CCDC146: variants seen among roughly 807,000 people sequenced by gnomAD.
CCDC146 encodes the protein coiled-coil domain containing 146.
In CCDC146, 92 loss-of-function variants were observed where a neutral mutation model predicts 119.3. That is an observed-to-expected ratio of 0.77 (90% CI 0.65 to 0.92). The LOEUF (loss-of-function observed/expected upper bound fraction) is 0.92. Ranked by LOEUF, CCDC146 falls within the 40% of genes least tolerant of loss-of-function variation. The probability of loss-of-function intolerance (pLI) is 0.00; values close to 1 mark genes in which losing one functional copy is unlikely to be tolerated. For missense variants in CCDC146, 1,000 were observed against 1,103.0 expected (o/e 0.91, Z 1.32); for synonymous variants, 372 against 371.8 (o/e 1.00, Z -0.01).
At chr7:77,262,373 A>G in intron 9 of CCDC146, 66 bp downstream of exon 9, 5 of 1,364,768 alleles carry the variant, frequency 3.7e-6, no homozygotes, top group Non-Finnish European at 3.9e-6. Flanking sequence ...AAAATATTTT[A>G]GGAAGTTGTT....
chr7:77,175,816 G>C (rs1367675428), intron 2 of CCDC146, among the ~76,000 whole-genome samples: 1 of 151,194 alleles, frequency 6.6e-6, no homozygotes, highest in Non-Finnish European at 1.5e-5. Flanking sequence ...CCTTGGTTTT[G>C]AGCACCTCCT....
intron 4 of CCDC146, among the ~76,000 whole-genome samples, chr7:77,249,665 C>T (rs1010309775): frequency 5.3e-5 from 8 of 152,094 alleles, no homozygotes; most frequent in Admixed American, 2.0e-4. Context: ...CTTTCTCTAT[C>T]CATTTACTTT....
At chr7:77,293,311 C>G (rs1793984577) in intron 18 of CCDC146, 111 bp downstream of exon 18, 2 of 1,081,944 alleles carry the variant, frequency 1.8e-6, no homozygotes, top group Admixed American at 2.3e-5. Flanking sequence ...CTACCACACA[C>G]AGTCCCAACA....
At chr7:77,163,082 T>A (rs548159523) in intron 1 of CCDC146, among the ~76,000 whole-genome samples, 1 of 152,326 alleles carries the variant, frequency 6.6e-6, no homozygotes, top group Admixed American at 6.5e-5. Context: ...GTAAGCTGCA[T>A]CATATTTAAA....
chr7:77,276,470 A>G (rs1793642501), intron 11 of CCDC146, among the ~76,000 whole-genome samples: 1 of 152,176 alleles, frequency 6.6e-6, no homozygotes, highest in East Asian at 1.9e-4. Flanking sequence ...TTTCTACTTT[A>G]ATATTTAAGA....
intron 1 of CCDC146, among the ~76,000 whole-genome samples, chr7:77,152,307 A>T (rs1791118839): frequency 6.6e-6 from 1 of 152,184 alleles, no homozygotes; most frequent in Admixed American, 6.5e-5. Flanking sequence ...TAACTCTATA[A>T]TTAATGTCAG....
intron 7 of CCDC146, 114 bp downstream of exon 7, chr7:77,259,182 T>G: frequency 1.6e-6 from 1 of 636,094 alleles, no homozygotes; most frequent in South Asian, 2.5e-5. Flanking sequence ...TTTAGAAATT[T>G]CTGCTTTGGG....
chr7:77,170,908 A>G (rs536278619), intron 2 of CCDC146, among the ~76,000 whole-genome samples: 25 of 152,322 alleles, frequency 1.6e-4, no homozygotes, highest in African/African-American at 5.1e-4. Context: ...TTAAAAAGTC[A>G]AAAACAATGG....
rs555208664 is a variant in CCDC146 at position 77,258,945 on chromosome 7, G to A, written c.685-50G>A. Reference sequence around the variant, plus strand: ...CATATTTAATTTTCTTGTCTTAATTGCTTCTAGCCGAAGACCGCATAATTT... The same window carrying A: ...CATATTTAATTTTCTTGTCTTAATTACTTCTAGCCGAAGACCGCATAATTT... On this transcript the variant is annotated intron_variant, in intron 6 of 18. Transcript: ENST00000285871. The A allele has an allele frequency of 4.6e-5, 56 of 1,217,920 alleles. No homozygotes were observed. The South Asian group carries it at 6.3e-4, about 14-fold the overall frequency. 75.4% of individuals were successfully genotyped at this position (1,217,920 alleles called of 1,614,324 possible). A position where few individuals can be genotyped will look rare whatever the true frequency, so the allele number is the denominator to read the frequency against.
intron 9 of CCDC146, among the ~76,000 whole-genome samples, chr7:77,271,479 T>TTATA (rs1554360490): frequency 1.4e-5 from 1 of 73,818 alleles, no homozygotes; most frequent in African/African-American, 4.0e-5. Flanking sequence ...CCTTTTTATT[T>TTATA]TATATATATA....
In CCDC146 at chr7:77,133,435, C is replaced by T. The variant is rs923886588; in HGVS notation, c.-12+10703C>T. ...GTGTGATCTTGGCTCACTGCAACCT[C>T]TGCCTCCTGGGTTCAAGCAATTCTC... On this transcript the variant is annotated intron_variant, in intron 1 of 18. Transcript: ENST00000285871. 3.2e-4 allele frequency among the ~76,000 whole-genome samples: 49 copies of T among 152,168 alleles called. 1 individual carries two copies. Among genetic ancestry groups the T allele is most frequent in the Middle Eastern group, 6.8e-3 (2 of 294 alleles).
intron 1 of CCDC146, among the ~76,000 whole-genome samples, chr7:77,143,172 A>T (rs200628795): frequency 1.3e-5 from 2 of 151,920 alleles, no homozygotes; most frequent in Non-Finnish European, 2.9e-5. Context: ...CCAGTGATGA[A>T]GAGCATTTTT....
intron 15 of CCDC146, among the ~76,000 whole-genome samples, chr7:77,284,352 C>T (rs112683017): frequency 1.7e-4 from 26 of 152,014 alleles, no homozygotes; most frequent in Non-Finnish European, 3.1e-4. Flanking sequence ...TTCTCTTTCA[C>T]CTCCCCTCTC....
intron 1 of CCDC146, among the ~76,000 whole-genome samples, chr7:77,161,774 A>T (rs563344707): frequency 6.6e-6 from 1 of 152,058 alleles, no homozygotes; most frequent in East Asian, 1.9e-4. Context: ...GTACCCTAAA[A>T]CTTAAAGTAT....
chr7:77,216,989 T>G (rs1792313223), intron 2 of CCDC146, among the ~76,000 whole-genome samples: 1 of 152,172 alleles, frequency 6.6e-6, no homozygotes. Context: ...AGTGTGTGTT[T>G]TATTGTATTG....
At chr7:77,145,521 T>G (rs1416388128) in intron 1 of CCDC146, among the ~76,000 whole-genome samples, 6 of 151,986 alleles carry the variant, frequency 3.9e-5, no homozygotes, top group Admixed American at 1.3e-4. Context: ...GGGTGTCAGT[T>G]TTAGATCTTT....
chr7:77,218,287 A>G (rs1792335328), intron 2 of CCDC146, among the ~76,000 whole-genome samples: 1 of 150,214 alleles, frequency 6.7e-6, no homozygotes, highest in Non-Finnish European at 1.5e-5. Flanking sequence ...TATAATTTAT[A>G]TATAAATTTT....
intron 1 of CCDC146, among the ~76,000 whole-genome samples, chr7:77,151,467 G>A (rs1336671365): frequency 6.6e-6 from 1 of 152,036 alleles, no homozygotes; most frequent in African/African-American, 2.4e-5. Context: ...TTATTTATGT[G>A]TTTAGAAAGT....
chr7:77,276,172 T>C (rs900760782), intron 11 of CCDC146, among the ~76,000 whole-genome samples: 19 of 141,306 alleles, frequency 1.3e-4, no homozygotes, highest in Non-Finnish European at 2.1e-4. Flanking sequence ...CACCACTGCA[T>C]TCCAGCCTGG....
Sources: gnomAD v4.1 joint callset for allele counts (sites outside exome capture counted in the v4.1 genomes callset) on GRCh38, gnomAD v4.1.1 for gene constraint, MANE v1.5 for transcripts, NCBI Gene and HGNC (gene_info 2026-07-23, HGNC 2026-07-21) for gene names.